Variants in ARID1B observed in about 807,000 individuals in gnomAD.
The protein encoded by ARID1B is AT-rich interactive domain-containing protein 1B.
A neutral mutation model predicts 212.3 loss-of-function variants in ARID1B; 30 were observed. The observed-to-expected ratio is 0.14, with a 90% CI of 0.11 to 0.19. The LOEUF is 0.19. Among genes scored for constraint, ARID1B ranks in the 10% least tolerant of loss-of-function variants. The pLI, the probability that ARID1B is intolerant of heterozygous loss-of-function variation, is 1.00. For missense variants in ARID1B, 2,891 were observed against 3,204.0 expected (o/e 0.90, Z 2.36); for synonymous variants, 1,402 against 1,301.7 (o/e 1.08, Z -1.66).
At chr6:156,878,766 T>C (rs1442228680) in intron 2 of ARID1B, among the ~76,000 whole-genome samples, 1 of 152,198 alleles carries the variant, frequency 6.6e-6, no homozygotes, top group Admixed American at 6.5e-5. Context: ...GGCAGCCAAA[T>C]GGTTGGACAG....
intron 2 of ARID1B, among the ~76,000 whole-genome samples, chr6:156,856,724 A>T (rs1784974010): frequency 1.4e-5 from 2 of 146,706 alleles, no homozygotes; most frequent in Non-Finnish European, 3.1e-5. Flanking sequence ...ACACACACAC[A>T]CACACACACA....
At chr6:157,000,870 T>C (rs1778875230) in intron 4 of ARID1B, among the ~76,000 whole-genome samples, 1 of 152,004 alleles carries the variant, frequency 6.6e-6, no homozygotes, top group African/African-American at 2.4e-5. Context: ...CAATTTTATA[T>C]TTTCAGTGGA....
chr6:156,943,786 A>T (rs1276494014), intron 4 of ARID1B: 1 of 152,240 alleles, frequency 6.6e-6, no homozygotes, highest in Non-Finnish European at 1.5e-5. Context: ...TGAAATAAAT[A>T]TTTAACTACA....
intron 1 of ARID1B, among the ~76,000 whole-genome samples, chr6:156,826,962 T>C (rs1476221456): frequency 6.6e-6 from 1 of 152,220 alleles, no homozygotes; most frequent in Non-Finnish European, 1.5e-5. Flanking sequence ...CTACCCATTG[T>C]TTTCCTTTCA....
At chr6:157,140,412 G>A (rs1317491471) in intron 7 of ARID1B, among the ~76,000 whole-genome samples, 2 of 151,834 alleles carry the variant, frequency 1.3e-5, no homozygotes, top group African/African-American at 4.8e-5. Context: ...GGAGGTTGCA[G>A]TGAGCCGAGA....
chr6:157,092,675 A>C (rs2128478219), intron 5 of ARID1B, among the ~76,000 whole-genome samples: 1 of 152,378 alleles, frequency 6.6e-6, no homozygotes, highest in South Asian at 2.1e-4. Context: ...TTATCAAAAT[A>C]CAAATTCCCA....
At position 156,779,050 on chromosome 6, in the gene ARID1B, A is replaced by T; in HGVS notation, c.1370A>T (p.Gln457Leu). The change falls in exon 1 of 20, where the codon CAG becomes CTG. Residue 457 changes from glutamine (Q) to leucine (L), a missense_variant. Gln to Leu is a moderately radical substitution (Grantham distance 113, BLOSUM62 -2). Transcript: ENST00000636930. The stretch of plus-strand genomic sequence containing the variant: ...GGGGTGCTGAGCTCCCCCCGGCAGC[A>T]GGGCGGCGGCATGATGATGGGCCCC... ...GYGVLSSPRQ[Q>L]GGGMMMGPGG... 1 of 1,221,228 alleles carries T rather than the reference A, an allele frequency of 8.2e-7. No homozygotes were observed. The highest frequency in any genetic ancestry group is 1.0e-6 in the Non-Finnish European group (1 of 985,386). 75.6% of individuals were successfully genotyped at this position (1,221,228 alleles called of 1,614,324 possible).
intron 4 of ARID1B, among the ~76,000 whole-genome samples, chr6:157,017,410 T>C (rs1030160186): frequency 6.6e-6 from 1 of 151,186 alleles, no homozygotes; most frequent in African/African-American, 2.4e-5. Flanking sequence ...GTTCTTTTTG[T>C]TTGTTTGTTG....
chr6:156,965,366 G>A (rs997986500), intron 4 of ARID1B, among the ~76,000 whole-genome samples: 7 of 152,144 alleles, frequency 4.6e-5, no homozygotes, highest in Admixed American at 2.6e-4. Flanking sequence ...AGATGTGCCC[G>A]TTGTTCTGAA....
At chr6:156,863,679 T>C (rs1785490541) in intron 2 of ARID1B, among the ~76,000 whole-genome samples, 2 of 152,190 alleles carry the variant, frequency 1.3e-5, no homozygotes, top group Non-Finnish European at 2.9e-5. Flanking sequence ...ATGCTGACTT[T>C]CCAAAAGTAT....
intron 2 of ARID1B, among the ~76,000 whole-genome samples, chr6:156,877,500 G>A (rs982417994): frequency 7.1e-6 from 1 of 141,578 alleles, no homozygotes; most frequent in Admixed American, 6.9e-5. Flanking sequence ...TTTATTCAAC[G>A]TCTACTTCAA....
intron 4 of ARID1B, among the ~76,000 whole-genome samples, chr6:157,011,721 G>T (rs1282897216): frequency 6.6e-6 from 1 of 152,200 alleles, no homozygotes; most frequent in Non-Finnish European, 1.5e-5. Flanking sequence ...TATTACAAAT[G>T]AATCTAAATG....
intron 4 of ARID1B, among the ~76,000 whole-genome samples, chr6:157,018,435 C>T (rs577853020): frequency 3.9e-5 from 6 of 152,100 alleles, no homozygotes; most frequent in South Asian, 2.1e-4. Flanking sequence ...AGGCAGGTCT[C>T]GAACTCCTGA....
rs1485500266 is a variant in ARID1B at position 157,200,860 on chromosome 6, G to A, written c.4635G>A (p.Gln1545=). 1 of 1,614,028 alleles carries A rather than the reference G, an allele frequency of 6.2e-7. No individual in the cohort carries two copies. Among genetic ancestry groups the A allele is most frequent in the East Asian group, 2.2e-5 (1 of 44,880 alleles). ...SGPDRRPIQG[Q]YPYPYSRERM... ...CGGACCGCAGGCCCATCCAGGGCCA[G>A]TACCCGTATCCCTACAGCAGGGAGA... Residue 1545 remains glutamine, a synonymous_variant, in exon 18 of 20, where the codon CAG becomes CAA. Transcript: ENST00000636930. This position sits in a 1 kb window ranked among gnomAD's most constrained non-coding sequence, Gnocchi z 4.3.
intron 4 of ARID1B, among the ~76,000 whole-genome samples, chr6:157,063,966 T>C (rs6921201): frequency 0.53 from 80,424 of 152,024 alleles, 22,405 homozygotes; most frequent in African/African-American, 0.69. Context: ...ACCTGCAGGC[T>C]GACCTCTGTA....
chr6:157,197,046 A>T (rs1338349724), intron 16 of ARID1B, among the ~76,000 whole-genome samples: 1 of 152,140 alleles, frequency 6.6e-6, no homozygotes, highest in Non-Finnish European at 1.5e-5. Flanking sequence ...GCTTCCTAAG[A>T]TGATGGCATA....
chr6:156,832,186 T>C (rs1376448939), intron 2 of ARID1B, among the ~76,000 whole-genome samples: 3 of 152,234 alleles, frequency 2.0e-5, no homozygotes, highest in Non-Finnish European at 4.4e-5. Context: ...AGCATATACA[T>C]TCATTTTGTT....
intron 1 of ARID1B, among the ~76,000 whole-genome samples, chr6:156,827,691 G>A (rs1305521159): frequency 1.3e-5 from 2 of 149,814 alleles, no homozygotes; most frequent in Non-Finnish European, 3.0e-5. Context: ...CTTCTGCCCT[G>A]TGGTACTGTA....
At chr6:157,022,550 A>G (rs1302366559) in intron 4 of ARID1B, 1 of 152,216 alleles carries the variant, frequency 6.6e-6, no homozygotes, top group Admixed American at 6.5e-5. Flanking sequence ...TGCAATCTGC[A>G]ATCTAGGAAC....
Sources: allele counts gnomAD v4.1 joint callset (sites outside exome capture counted in the v4.1 genomes callset), GRCh38; gene constraint gnomAD v4.1.1; non-coding constraint Gnocchi (gnomAD v3.1); transcripts MANE v1.5; gene names NCBI Gene and HGNC (gene_info 2026-07-23, HGNC 2026-07-21).